Variants in RAB3C observed in about 807,000 individuals in gnomAD.
The protein encoded by RAB3C is RAB3C, member RAS oncogene family, also known as ras-related protein Rab-3C.
RAB3C carries 17 observed loss-of-function variants against 26.4 expected under a neutral mutation model. That is an observed-to-expected ratio of 0.64 (90% CI 0.44 to 0.97). The LOEUF (loss-of-function observed/expected upper bound fraction) is 0.97, where lower values mean the gene tolerates loss of function less well. Ranked by LOEUF, RAB3C falls within the 50% of genes least tolerant of loss-of-function variation. RAB3C has a pLI of 0.00. For synonymous variants in RAB3C, 91 were observed against 95.9 expected (o/e 0.95, Z 0.30); for missense variants, 242 against 281.9 (o/e 0.86, Z 1.01).
At position 58,810,699 on chromosome 5, in the gene RAB3C, C is replaced by T. The variant is rs191277126; in HGVS notation, c.372-14339C>T. Among the ~76,000 whole-genome samples, 4 of 152,252 alleles carry T rather than the reference C, an allele frequency of 2.6e-5. No individual in the cohort carries two copies. The East Asian group carries it at 5.8e-4, about 22-fold the overall frequency. On this transcript the variant is annotated intron_variant, in intron 3 of 4. Transcript: ENST00000282878. ...GCAACCCCCACCTCCGAGGTTCAAG[C>T]GATTCTCCTGCCTCAGCCTCCTCAG...
intron 2 of RAB3C, among the ~76,000 whole-genome samples, chr5:58,717,264 A>G (rs1749191959): frequency 6.6e-6 from 1 of 152,142 alleles, no homozygotes; most frequent in South Asian, 2.1e-4. Flanking sequence ...GACTGGTAGT[A>G]CAATCAAAAG....
At chr5:58,779,838 G>T (rs1449321209) in intron 3 of RAB3C, among the ~76,000 whole-genome samples, 1 of 152,052 alleles carries the variant, frequency 6.6e-6, no homozygotes, top group Non-Finnish European at 1.5e-5. Flanking sequence ...CACTAAAAAA[G>T]GTACTTAGCC....
At chr5:58,794,414 T>C (rs918608195) in intron 3 of RAB3C, 3 of 152,052 alleles carry the variant, frequency 2.0e-5, no homozygotes, top group African/African-American at 7.2e-5. Flanking sequence ...GCTGCAAGAT[T>C]GTATGAAACA....
intron 2 of RAB3C, among the ~76,000 whole-genome samples, chr5:58,626,269 A>G (rs1442190362): frequency 6.6e-6 from 1 of 152,180 alleles, no homozygotes; most frequent in Non-Finnish European, 1.5e-5. Context: ...AAGTGGCTCA[A>G]TATGTAGGTA....
intron 2 of RAB3C, among the ~76,000 whole-genome samples, chr5:58,629,708 C>T (rs1329417275): frequency 2.6e-5 from 4 of 152,104 alleles, no homozygotes; most frequent in African/African-American, 9.7e-5. Flanking sequence ...TGTAGGCATG[C>T]TAACAAGAAG....
At chr5:58,715,884 G>A (rs977948996) in intron 2 of RAB3C, among the ~76,000 whole-genome samples, 3 of 151,990 alleles carry the variant, frequency 2.0e-5, no homozygotes, top group Non-Finnish European at 4.4e-5. Flanking sequence ...TCAGGAGAGC[G>A]TCATGCCCTG....
intron 2 of RAB3C, among the ~76,000 whole-genome samples, chr5:58,675,003 G>A (rs1013427822): frequency 1.3e-5 from 2 of 152,052 alleles, no homozygotes; most frequent in Admixed American, 6.6e-5. Flanking sequence ...CTCAGACCTC[G>A]TGGTGAATCC....
At chr5:58,811,009 C>T (rs995394770) in intron 3 of RAB3C, among the ~76,000 whole-genome samples, 1 of 152,176 alleles carries the variant, frequency 6.6e-6, no homozygotes, top group Non-Finnish European at 1.5e-5. Flanking sequence ...TCATTCTAAC[C>T]ATACGGAGGC....
chr5:58,735,514 G>T (rs887349803), intron 3 of RAB3C, among the ~76,000 whole-genome samples: 11 of 152,236 alleles, frequency 7.2e-5, no homozygotes, highest in Non-Finnish European at 1.3e-4. Flanking sequence ...ACCAGAAACT[G>T]GGTAGACTCA....
intron 2 of RAB3C, among the ~76,000 whole-genome samples, chr5:58,700,551 C>T (rs1748820559): frequency 6.6e-6 from 1 of 152,100 alleles, no homozygotes; most frequent in South Asian, 2.1e-4. Context: ...AACTCAGAGC[C>T]CTAAGGTGTT....
chr5:58,842,248 G>A (rs962789488), intron 4 of RAB3C, among the ~76,000 whole-genome samples: 26 of 152,298 alleles, frequency 1.7e-4, no homozygotes, highest in African/African-American at 6.3e-4. Flanking sequence ...AGACACTCTA[G>A]TCCCTTGATG....
chr5:58,741,859 G>A (rs1490261711), intron 3 of RAB3C: 1 of 151,992 alleles, frequency 6.6e-6, no homozygotes, highest in Non-Finnish European at 1.5e-5. Context: ...ACAAAAATTA[G>A]CATGGTGTGG....
intron 3 of RAB3C, among the ~76,000 whole-genome samples, chr5:58,804,042 A>G (rs2112030541): frequency 6.8e-6 from 1 of 146,364 alleles, no homozygotes; most frequent in Non-Finnish European, 1.5e-5. Flanking sequence ...CCCAGGTGAC[A>G]GTGCGAGACT....
intron 2 of RAB3C, among the ~76,000 whole-genome samples, chr5:58,654,280 T>C (rs548120994): frequency 1.3e-5 from 2 of 152,280 alleles, no homozygotes; most frequent in South Asian, 4.1e-4. Context: ...TAAAGGCAGA[T>C]ATTAAAAGGT....
intron 2 of RAB3C, among the ~76,000 whole-genome samples, chr5:58,663,554 G>T (rs938219863): frequency 6.7e-6 from 1 of 150,230 alleles, no homozygotes; most frequent in South Asian, 2.1e-4. Context: ...AGAAGGGAAA[G>T]ATTTATTCAA....
chr5:58,617,528 A>G, intron 1 of RAB3C, 115 bp from the exon 2 acceptor site: 1 of 855,840 alleles, frequency 1.2e-6, no homozygotes, highest in Non-Finnish European at 2.0e-6. Flanking sequence ...TCGCCTCCTG[A>G]GTGTCTGACA....
intron 3 of RAB3C, among the ~76,000 whole-genome samples, chr5:58,788,803 T>G (rs1311241883): frequency 6.6e-6 from 1 of 152,212 alleles, no homozygotes; most frequent in Non-Finnish European, 1.5e-5. Flanking sequence ...TTATCATAAA[T>G]AAGCAATATT....
At position 58,854,340 on chromosome 5, in the gene RAB3C, G is replaced by A. The variant is rs993752339; in HGVS notation, c.*2989G>A. On this transcript the variant is annotated 3_prime_UTR_variant, in exon 5 of 5. Transcript: ENST00000282878. ...GAATAAACCTGAACTGTTCCAAATC[G>A]ATTCTTCCAAGAGCTTTGGTGTTGG... The A allele has an allele frequency of 1.3e-5, 2 of 151,982 alleles. No individual in the cohort carries two copies. Among genetic ancestry groups the A allele is most frequent in the South Asian group, 2.1e-4 (1 of 4,818 alleles). 9.4% of individuals were successfully genotyped at this position (151,982 alleles called of 1,614,324 possible).
chr5:58,821,223 T>C (rs1743334396), intron 3 of RAB3C, among the ~76,000 whole-genome samples: 1 of 152,142 alleles, frequency 6.6e-6, no homozygotes, highest in Non-Finnish European at 1.5e-5. Flanking sequence ...GTCACTAATC[T>C]CACTCTGGGT....
Sources: gnomAD v4.1 joint callset for allele counts (sites outside exome capture counted in the v4.1 genomes callset) on GRCh38, gnomAD v4.1.1 for gene constraint, MANE v1.5 for transcripts, NCBI Gene and HGNC (gene_info 2026-07-23, HGNC 2026-07-21) for gene names.